EPB41: variants seen among roughly 807,000 people sequenced by gnomAD.
EPB41 encodes protein 4.1.
EPB41 carries 65 observed loss-of-function variants against 108.0 expected under a neutral mutation model. The observed-to-expected ratio is 0.60, with a 90% CI of 0.49 to 0.74. The LOEUF (loss-of-function observed/expected upper bound fraction) is 0.74. Ranked by LOEUF, EPB41 falls within the 30% of genes least tolerant of loss-of-function variation. EPB41 has a pLI of 0.00. For synonymous variants in EPB41, 336 were observed against 358.9 expected (o/e 0.94, Z 0.72); for missense variants, 875 against 1,037.0 (o/e 0.84, Z 2.15).
At chr1:28,888,004 C>T (rs2089647960) in intron 1 of EPB41, among the ~76,000 whole-genome samples, 1 of 152,246 alleles carries the variant, frequency 6.6e-6, no homozygotes, top group South Asian at 2.1e-4. Flanking sequence ...CCGGCAGGCC[C>T]CACCTCTTCA....
At chr1:29,033,308 T>C (rs2096814014) in intron 9 of EPB41, 63 bp downstream of exon 9, 2 of 1,577,924 alleles carry the variant, frequency 1.3e-6, no homozygotes. Context: ...ATATCTACAT[T>C]TCCATTTTCC....
intron 11 of EPB41, among the ~76,000 whole-genome samples, chr1:29,052,200 A>G (rs1644650138): frequency 6.6e-6 from 1 of 152,174 alleles, no homozygotes. Context: ...AAAACAGTCT[A>G]TACAACTTTT....
chr1:29,013,153 C>T (rs1053250609), intron 5 of EPB41, among the ~76,000 whole-genome samples: 3 of 151,722 alleles, frequency 2.0e-5, no homozygotes, highest in Non-Finnish European at 2.9e-5. Context: ...GGTGAAACCC[C>T]GTCTCTACTA....
chr1:29,036,226 G>C (rs890776036), intron 10 of EPB41, among the ~76,000 whole-genome samples: 5 of 151,738 alleles, frequency 3.3e-5, no homozygotes, highest in African/African-American at 1.2e-4. Context: ...CGATTAAGGG[G>C]AGTTACCCTC....
chr1:28,949,882 G>T (rs998307744), intron 1 of EPB41, among the ~76,000 whole-genome samples: 7 of 152,184 alleles, frequency 4.6e-5, no homozygotes, highest in African/African-American at 1.7e-4. Context: ...GATTACAGGC[G>T]TGAATCACTG....
intron 14 of EPB41, among the ~76,000 whole-genome samples, chr1:29,059,246 G>C (rs1267676851): frequency 6.6e-6 from 1 of 152,158 alleles, no homozygotes; most frequent in Non-Finnish European, 1.5e-5. Context: ...CCGTGCTCCA[G>C]CCTGGGTGAC....
chr1:28,909,157 CAAA>C (rs35591255), intron 1 of EPB41, among the ~76,000 whole-genome samples: 3 of 123,004 alleles, frequency 2.4e-5, no homozygotes. Flanking sequence ...GACTCCGTCT[CAAA>C]AAAAAAAAAA....
chr1:28,899,086 C>A (rs150780740), intron 1 of EPB41, among the ~76,000 whole-genome samples: 1 of 152,272 alleles, frequency 6.6e-6, no homozygotes, highest in East Asian at 1.9e-4. Flanking sequence ...TCTGTCAGTG[C>A]AAGATCACAC....
chr1:28,962,343 C>T (rs865779212), intron 1 of EPB41, among the ~76,000 whole-genome samples: 7 of 152,140 alleles, frequency 4.6e-5, no homozygotes, highest in African/African-American at 1.4e-4. Context: ...TTATTACAGA[C>T]GTGAGCCACC....
chr1:29,097,983 A>C, intron 17 of EPB41, 48 bp downstream of exon 17: 1 of 1,613,278 alleles, frequency 6.2e-7, no homozygotes, highest in South Asian at 1.1e-5. Flanking sequence ...AAACAAAATT[A>C]ATAACCTTTC....
chr1:29,069,637 A>T (rs2151083608), intron 16 of EPB41: 1 of 187,420 alleles, frequency 5.3e-6, no homozygotes, highest in East Asian at 1.7e-4. Context: ...TATAAGGATT[A>T]CTTTTTATAT....
chr1:28,948,769 T>C (rs1451680103), intron 1 of EPB41, among the ~76,000 whole-genome samples: 2 of 150,688 alleles, frequency 1.3e-5, no homozygotes, highest in Non-Finnish European at 3.0e-5. Context: ...GCCAATATGG[T>C]GAAACCCTGT....
intron 9 of EPB41, 148 bp from the exon 10 acceptor site, chr1:29,035,678 G>GA: frequency 1.6e-6 from 1 of 638,784 alleles, no homozygotes; most frequent in Non-Finnish European, 2.7e-6. Context: ...CAGTAAGTAG[G>GA]AAAAAATTCC....
At chr1:29,111,199 T>C (rs1021049211) in intron 18 of EPB41, among the ~76,000 whole-genome samples, 1 of 151,414 alleles carries the variant, frequency 6.6e-6, no homozygotes, top group Non-Finnish European at 1.5e-5. Flanking sequence ...AATGATCAAT[T>C]AAAATGTATA....
At chr1:28,929,394 T>G (rs1297686101) in intron 1 of EPB41, among the ~76,000 whole-genome samples, 1 of 150,668 alleles carries the variant, frequency 6.6e-6, no homozygotes, top group African/African-American at 2.4e-5. Flanking sequence ...CCCGGCTAAT[T>G]TTTTGTATTT....
At chr1:29,039,539 G>T in intron 11 of EPB41, 113 bp downstream of exon 11, 1 of 1,376,022 alleles carries the variant, frequency 7.3e-7, no homozygotes, top group South Asian at 1.2e-5. Context: ...TGGGCCTGGT[G>T]CAGTGGCTTA....
chr1:29,018,502 T>A lies in EPB41; in HGVS notation c.1124+60T>A, dbSNP rs2096604959. Reference sequence around the variant, plus strand: ...TTTGGCGATTAGTTTAAACACAACATGGTATTGGTTCATTGTTTGCCTAAG... The same window carrying A: ...TTTGGCGATTAGTTTAAACACAACAAGGTATTGGTTCATTGTTTGCCTAAG... On this transcript the variant is annotated intron_variant, in intron 7 of 20. Coordinates refer to ENST00000343067, the MANE Select transcript of EPB41 (RefSeq NM_001376013.1). This position sits in a 1 kb window ranked among gnomAD's most constrained non-coding sequence, Gnocchi z 4.4. 1 of 1,472,426 alleles carries A rather than the reference T, an allele frequency of 6.8e-7. No individual in the cohort carries two copies. The allele number at this position is 1,472,426 out of a possible 1,614,324, so 91.2% of individuals were successfully genotyped here. A position where few individuals can be genotyped will look rare whatever the true frequency, so the allele number is the denominator to read the frequency against.
chr1:29,006,413 GT>G (rs1308194240), intron 4 of EPB41, among the ~76,000 whole-genome samples: 1 of 151,542 alleles, frequency 6.6e-6, no homozygotes, highest in Non-Finnish European at 1.5e-5. Context: ...ATTTTTTTGA[GT>G]TTTTAGTAGA....
In EPB41 at chr1:28,938,548, T is replaced by TTTC. The variant is rs1570987302; in HGVS notation, c.-8+23782_-8+23783insCTT. Among the ~76,000 whole-genome samples, 7 of 152,072 alleles carry TTTC rather than the reference T, an allele frequency of 4.6e-5. No individual in the cohort carries two copies. In the East Asian group the frequency reaches 1.4e-3, roughly 29 times the overall value. On this transcript the variant is annotated intron_variant, in intron 1 of 20. Coordinates refer to ENST00000343067, the MANE Select transcript of EPB41 (RefSeq NM_001376013.1). ...GTTGATTTTTGAATTTTTTTTTTTT[T>TTTC]TTGACACAGTATCTGGCTGCGTCAT... is the stretch of plus-strand genomic sequence containing the variant.
Sources: allele counts gnomAD v4.1 joint callset (sites outside exome capture counted in the v4.1 genomes callset), GRCh38; gene constraint gnomAD v4.1.1; non-coding constraint Gnocchi (gnomAD v3.1); transcripts MANE v1.5; gene names NCBI Gene and HGNC (gene_info 2026-07-23, HGNC 2026-07-21).